The following GIT1 variants were observed in gnomAD, a reference collection of about 807,000 sequenced individuals.
GIT1 encodes the protein ARF GTPase-activating protein GIT1.
In GIT1, 14 loss-of-function variants were observed where a neutral mutation model predicts 91.7. The observed-to-expected ratio is 0.15, with a 90% confidence interval of 0.10 to 0.24. GIT1 has a LOEUF of 0.24. Among genes scored for constraint, GIT1 ranks in the 10% least tolerant of loss-of-function variants. The pLI is 1.00. For missense variants in GIT1, 717 were observed against 1,024.9 expected (o/e 0.70, Z 4.10); for synonymous variants, 414 against 418.2 (o/e 0.99, Z 0.12).
intron 12 of GIT1, 79 bp from the exon 13 acceptor site, chr17:29,576,753 G>A: frequency 6.3e-7 from 1 of 1,591,530 alleles, no homozygotes; most frequent in Non-Finnish European, 8.6e-7. Flanking sequence ...TTGAGGCTAG[G>A]AGCAGCCCAC....
rs545359898 is a variant in GIT1 at position 29,574,542 on chromosome 17, G to C, written c.*160C>G. The C allele has an allele frequency of 1.1e-4, 78 of 704,692 alleles. 1 individual carries two copies. Among genetic ancestry groups the C allele is most frequent in the South Asian group, 9.8e-4 (61 of 62,030 alleles). 43.7% of individuals were successfully genotyped at this position (704,692 alleles called of 1,614,324 possible). A position where few individuals can be genotyped will look rare whatever the true frequency, so the allele number is the denominator to read the frequency against. On this transcript the variant is annotated 3_prime_UTR_variant, in exon 20 of 20. Coordinates refer to ENST00000225394, the MANE Select transcript of GIT1 (RefSeq NM_014030.4). ...CCCACCTCCCCATCCTTAGGGGCTC[G>C]ACAGGGGTGGGCACCAGGGCACCTG...
At chr17:29,586,322 T>C (rs1463873655) in intron 1 of GIT1, among the ~76,000 whole-genome samples, 1 of 152,238 alleles carries the variant, frequency 6.6e-6, no homozygotes, top group African/African-American at 2.4e-5. Flanking sequence ...TTTATTTTTA[T>C]TTTTGCTTGT....
rs1301389200 is a variant in GIT1 at position 29,581,012 on chromosome 17, C to G, written c.761+326G>C. 2.3e-5 allele frequency: 8 copies of G among 343,968 alleles called. No individual in the cohort carries two copies. Among genetic ancestry groups the G allele is most frequent in the Non-Finnish European group, 4.5e-5 (8 of 178,576 alleles). The allele number at this position is 343,968 out of a possible 1,614,324, so 21.3% of individuals were successfully genotyped here. A position where few individuals can be genotyped will look rare whatever the true frequency, so the allele number is the denominator to read the frequency against. Reference sequence around the variant, plus strand: ...CAGGCTAGTCTTGAACTCCCGACCTCAGGTGATCCGCCCGCCTCGGCCTCC... The same window carrying G: ...CAGGCTAGTCTTGAACTCCCGACCTGAGGTGATCCGCCCGCCTCGGCCTCC... On this transcript the variant is annotated intron_variant, in intron 7 of 19. Transcript: ENST00000225394. The surrounding 1 kb of genome is among the most constrained non-coding windows in gnomAD (Gnocchi z 4.8).
chr17:29,587,858 C>T (rs1219246008), intron 1 of GIT1, among the ~76,000 whole-genome samples: 2 of 152,136 alleles, frequency 1.3e-5, no homozygotes, highest in African/African-American at 4.8e-5. Context: ...GCTTACCCCA[C>T]GGAGTTGTGG....
Sources: gnomAD v4.1 joint callset for allele counts (sites outside exome capture counted in the v4.1 genomes callset) on GRCh38, gnomAD v4.1.1 for gene constraint, Gnocchi (gnomAD v3.1) non-coding constraint, MANE v1.5 for transcripts, NCBI Gene and HGNC (gene_info 2026-07-23, HGNC 2026-07-21) for gene names.